The following CD164 variants were observed in gnomAD, a reference collection of about 807,000 sequenced individuals.
The protein encoded by CD164 is CD164 molecule, also known as sialomucin core protein 24.
In CD164, 11 loss-of-function variants were observed where a neutral mutation model predicts 24.6. The ratio of observed to expected loss-of-function variants is 0.45; its 90% CI spans 0.28 to 0.74. CD164 has a LOEUF of 0.74. Among genes scored for constraint, CD164 ranks in the 30% least tolerant of loss-of-function variants. The pLI is 0.13. For synonymous variants in CD164, 126 were observed against 100.3 expected (o/e 1.26, Z -1.53); for missense variants, 295 against 243.7 (o/e 1.21, Z -1.40).
chr6:109,380,298 T>C (rs1298349607), intron 1 of CD164: 3 of 152,050 alleles, frequency 2.0e-5, no homozygotes, highest in African/African-American at 7.2e-5. Flanking sequence ...GGCCAAACAA[T>C]CCAGAAACAA....
Position 109,379,678 on chromosome 6 carries a change from G to GA in CD164, c.176-17dup, listed in dbSNP as rs1562243576. 6.3e-6 allele frequency: 10 copies of GA among 1,588,030 alleles called. No homozygotes were observed. The highest frequency in any genetic ancestry group is 3.4e-5 in the South Asian group (3 of 88,790). ...TCACAGGTTTCTGGGGAGTTGGGGGGAGAGATGCATGAAATCAATGATTTT... is the reference window on the plus strand; with the variant it reads ...TCACAGGTTTCTGGGGAGTTGGGGGGAAGAGATGCATGAAATCAATGATTTT... On this transcript the variant is annotated splice_polypyrimidine_tract_variant and intron_variant, in intron 1 of 5. Transcript: ENST00000310786.
chr6:109,368,712 C>A lies in CD164; in HGVS notation c.*139G>T. ...ATTTTTTCTTCACGGATGATGCTCCCAAACATCCTATATGCATCCATGGAA... is the reference window on the plus strand; with the variant it reads ...ATTTTTTCTTCACGGATGATGCTCCAAAACATCCTATATGCATCCATGGAA... On this transcript the variant is annotated 3_prime_UTR_variant, in exon 6 of 6. Transcript: ENST00000310786. 1 of 1,402,910 alleles carries A rather than the reference C, an allele frequency of 7.1e-7. No homozygotes were observed. The highest frequency in any genetic ancestry group is 9.2e-7 in the Non-Finnish European group (1 of 1,082,626). 86.9% of individuals were successfully genotyped at this position (1,402,910 alleles called of 1,614,324 possible). A position where few individuals can be genotyped will look rare whatever the true frequency, so the allele number is the denominator to read the frequency against.
chr6:109,377,399 T>C (rs1771471846), intron 3 of CD164, among the ~76,000 whole-genome samples: 1 of 152,144 alleles, frequency 6.6e-6, no homozygotes, highest in South Asian at 2.1e-4. Flanking sequence ...CAGCTTCAAG[T>C]AGAATTTTAA....
chr6:109,374,910 C>T (rs1023576828), intron 4 of CD164, among the ~76,000 whole-genome samples: 4 of 152,050 alleles, frequency 2.6e-5, no homozygotes, highest in Non-Finnish European at 4.4e-5. Context: ...TCCCAATACG[C>T]TGTGCTCACT....
chr6:109,375,077 A>ATC (rs1462003138), intron 4 of CD164, among the ~76,000 whole-genome samples: 1 of 152,216 alleles, frequency 6.6e-6, no homozygotes, highest in African/African-American at 2.4e-5. Context: ...AGGAGTTCTT[A>ATC]TCCATGCTGT....
At position 109,368,739 on chromosome 6, in the gene CD164, T is replaced by C; in HGVS notation, c.*112A>G. ...AACATCCTATATGCATCCATGGAAA[T>C]TTAAAGATCCTGGAATAGCGTCTTC... On this transcript the variant is annotated 3_prime_UTR_variant, in exon 6 of 6. Transcript: ENST00000310786. 3.5e-6 allele frequency: 5 copies of C among 1,446,588 alleles called. No individual in the cohort carries two copies. The highest frequency in any genetic ancestry group is 4.5e-6 in the Non-Finnish European group (5 of 1,103,414). 89.6% of individuals were successfully genotyped at this position (1,446,588 alleles called of 1,614,324 possible).
intron 1 of CD164, 31 bp downstream of exon 1, chr6:109,382,169 GGGGA>G (rs1771797017): frequency 1.1e-5 from 17 of 1,488,582 alleles, no homozygotes; most frequent in Non-Finnish European, 1.5e-5. Context: ...CGGCTGGGCA[GGGGA>G]GGGCGGGAAG....
intron 4 of CD164, among the ~76,000 whole-genome samples, chr6:109,373,299 G>C (rs528674955): frequency 6.6e-6 from 1 of 151,968 alleles, no homozygotes. Flanking sequence ...CTGAAGGAGG[G>C]CCATTATAAT....
At chr6:109,381,259 G>A (rs911586369) in intron 1 of CD164, among the ~76,000 whole-genome samples, 1 of 152,234 alleles carries the variant, frequency 6.6e-6, no homozygotes, top group African/African-American at 2.4e-5. Context: ...GCTTTAAAAT[G>A]TATGTATGCC....
Position 109,382,224 on chromosome 6 carries a change from A to G in CD164, c.155T>C (p.Leu52Pro), listed in dbSNP as rs1291807308. ...CCCACCTGGTGCCGGAGTGGTGACCAGCGGGAGGGACGTCACCGGCGCCGA... is the reference window on the plus strand; with the variant it reads ...CCCACCTGGTGCCGGAGTGGTGACCGGCGGGAGGGACGTCACCGGCGCCGA... ...VTSAPVTSLP[L>P]VTTPAPETCE... is the part of the protein sequence containing the mutation. Residue 52 changes from leucine (L) to proline (P), a missense_variant, in exon 1 of 6, where the codon CTG becomes CCG. Coordinates refer to ENST00000310786, the MANE Select transcript of CD164 (RefSeq NM_006016.6). 4 of 1,576,640 alleles carry G rather than the reference A, an allele frequency of 2.5e-6. No homozygotes were observed. Among genetic ancestry groups the G allele is most frequent in the Non-Finnish European group, 3.4e-6 (4 of 1,166,084 alleles).
chr6:109,368,457 G>A lies in CD164; in HGVS notation c.*394C>T. On this transcript the variant is annotated 3_prime_UTR_variant, in exon 6 of 6. Coordinates refer to ENST00000310786, the MANE Select transcript of CD164 (RefSeq NM_006016.6). ...AAATCCACCTAATTGATTCTCATTTGGCACGTTCTTCTCAATTCTGTTCAC... is the reference window on the plus strand; with the variant it reads ...AAATCCACCTAATTGATTCTCATTTAGCACGTTCTTCTCAATTCTGTTCAC... The A allele has an allele frequency of 7.2e-7, 1 of 1,387,754 alleles. No individual in the cohort carries two copies. Among genetic ancestry groups the A allele is most frequent in the Non-Finnish European group, 9.3e-7 (1 of 1,074,994 alleles). 86.0% of individuals were successfully genotyped at this position (1,387,754 alleles called of 1,614,324 possible).
At chr6:109,370,209 AT>A (rs1254150951) in intron 5 of CD164, among the ~76,000 whole-genome samples, 1 of 152,254 alleles carries the variant, frequency 6.6e-6, no homozygotes, top group Non-Finnish European at 1.5e-5. Context: ...GTGATTACAC[AT>A]TTAAAAATGA....
At chr6:109,377,344 G>A (rs1469429305) in intron 3 of CD164, among the ~76,000 whole-genome samples, 1 of 152,114 alleles carries the variant, frequency 6.6e-6, no homozygotes, top group Non-Finnish European at 1.5e-5. Context: ...ATCAAATTAG[G>A]AATATGCCTT....
At chr6:109,369,082 T>G in intron 5 of CD164, 65 bp from the exon 6 acceptor site, 1 of 1,381,022 alleles carries the variant, frequency 7.2e-7, no homozygotes, top group Non-Finnish European at 1.0e-6. Flanking sequence ...AATTTAAAGA[T>G]GCACCTGAGC....
At chr6:109,381,509 A>G (rs751729879) in intron 1 of CD164, 23 of 702,442 alleles carry the variant, frequency 3.3e-5, no homozygotes, top group South Asian at 1.8e-4. Flanking sequence ...CCTACCTTCC[A>G]GTTTAGCCTT....
At position 109,368,784 on chromosome 6, in the gene CD164, G is replaced by C. The variant is rs1180551515; in HGVS notation, c.*67C>G. On this transcript the variant is annotated 3_prime_UTR_variant, in exon 6 of 6. Coordinates refer to ENST00000310786, the MANE Select transcript of CD164 (RefSeq NM_006016.6). ...GTCTTCCATGTGGGACATCTTAAAA[G>C]ATAGTATTTTGGCTTCAGTGAGTTA... 12 of 1,540,310 alleles carry C rather than the reference G, an allele frequency of 7.8e-6. 1 individual carries two copies. In the East Asian group the frequency reaches 1.4e-4, roughly 18 times the overall value.
chr6:109,381,704 C>T (rs1253105002), intron 1 of CD164: 1 of 637,280 alleles, frequency 1.6e-6, no homozygotes, highest in Non-Finnish European at 2.8e-6. Flanking sequence ...CACGAACGAG[C>T]ATTACCGTCT....
Position 109,382,462 on chromosome 6 carries a change from G to T in CD164, c.-84C>A. 7.6e-7 allele frequency: 1 copy of T among 1,312,822 alleles called. No homozygotes were observed. Among genetic ancestry groups the T allele is most frequent in the Non-Finnish European group, 1.0e-6 (1 of 1,003,690 alleles). The allele number at this position is 1,312,822 out of a possible 1,614,324, so 81.3% of individuals were successfully genotyped here. ...CTCAATCCCCTGCGGCGCCGCCTCC[G>T]AGACTACGCTCCCCCGCGGGAGCGC... On this transcript the variant is annotated 5_prime_UTR_variant, in exon 1 of 6. Transcript: ENST00000310786.
chr6:109,371,463 T>G (rs1483866360), intron 4 of CD164: 2 of 153,820 alleles, frequency 1.3e-5, no homozygotes, highest in Non-Finnish European at 2.9e-5. Context: ...TTGACCAGGC[T>G]CATCTTGAAC....
Sources: allele counts gnomAD v4.1 joint callset (sites outside exome capture counted in the v4.1 genomes callset), GRCh38; gene constraint gnomAD v4.1.1; transcripts MANE v1.5; gene names NCBI Gene and HGNC (gene_info 2026-07-23, HGNC 2026-07-21).